The following USP28 variants were observed in gnomAD, a reference collection of about 807,000 sequenced individuals.
USP28 encodes the protein ubiquitin carboxyl-terminal hydrolase 28.
USP28 carries 113 observed loss-of-function variants against 145.0 expected under a neutral mutation model. The observed-to-expected ratio is 0.78, with a 90% CI of 0.67 to 0.91. The LOEUF (loss-of-function observed/expected upper bound fraction) is 0.91, where lower values mean the gene tolerates loss of function less well. Ranked by LOEUF, USP28 falls within the 40% of genes least tolerant of loss-of-function variation. The probability of loss-of-function intolerance (pLI) is 0.00; values close to 1 mark genes in which losing one functional copy is unlikely to be tolerated. For missense variants in USP28, 1,201 were observed against 1,289.6 expected (o/e 0.93, Z 1.05); for synonymous variants, 447 against 450.9 (o/e 0.99, Z 0.11).
At chr11:113,844,494 T>C (rs1432114837) in intron 3 of USP28, among the ~76,000 whole-genome samples, 2 of 151,800 alleles carry the variant, frequency 1.3e-5, no homozygotes, top group Non-Finnish European at 2.9e-5. Flanking sequence ...GAGAAAATAT[T>C]TGCAAAACAT....
chr11:113,869,634 T>C (rs1177867554), intron 1 of USP28, among the ~76,000 whole-genome samples: 1 of 152,006 alleles, frequency 6.6e-6, no homozygotes, highest in Non-Finnish European at 1.5e-5. Flanking sequence ...AGTAATAGGG[T>C]AATAGTTCAC....
intron 17 of USP28, 23 bp from the exon 18 acceptor site, chr11:113,808,460 TCTTAG>T: frequency 6.2e-7 from 1 of 1,612,246 alleles, no homozygotes; most frequent in Non-Finnish European, 8.5e-7. Context: ...TGAACAAAGG[TCTTAG>T]CATCTAATGA....
At chr11:113,814,729 A>C (rs902728188) in intron 14 of USP28, among the ~76,000 whole-genome samples, 21 of 152,052 alleles carry the variant, frequency 1.4e-4, no homozygotes, top group Admixed American at 1.3e-4. Flanking sequence ...AAAAGTGCAA[A>C]AGAAGTCACA....
chr11:113,862,606 A>T (rs56301420), intron 1 of USP28, among the ~76,000 whole-genome samples: 1 of 152,250 alleles, frequency 6.6e-6, no homozygotes, highest in Non-Finnish European at 1.5e-5. Flanking sequence ...CTGTGACGAG[A>T]GAGGCAGGAT....
intron 3 of USP28, among the ~76,000 whole-genome samples, chr11:113,842,434 A>G (rs971055509): frequency 6.6e-6 from 1 of 151,888 alleles, no homozygotes; most frequent in African/African-American, 2.4e-5. Context: ...AAATACAAAA[A>G]ATTTGCCGGG....
intron 12 of USP28, chr11:113,818,238 G>C (rs1470537060): frequency 6.5e-6 from 1 of 154,246 alleles, no homozygotes; most frequent in Non-Finnish European, 1.4e-5. Context: ...TGCAAGCTCC[G>C]CCTCCTGGGT....
intron 3 of USP28, among the ~76,000 whole-genome samples, chr11:113,843,603 G>A (rs1030457429): frequency 1.3e-5 from 2 of 150,370 alleles, no homozygotes; most frequent in African/African-American, 4.9e-5. Context: ...CCCAGGAGGC[G>A]GAGGCTATGG....
At chr11:113,817,864 A>G in intron 12 of USP28, 27 bp from the exon 13 acceptor site, 1 of 1,610,096 alleles carries the variant, frequency 6.2e-7, no homozygotes, top group Non-Finnish European at 8.5e-7. Flanking sequence ...GTGGTACTCT[A>G]CTGCCCAAGG....
At chr11:113,830,312 A>T (rs1943843327) in intron 9 of USP28, among the ~76,000 whole-genome samples, 1 of 152,192 alleles carries the variant, frequency 6.6e-6, no homozygotes, top group South Asian at 2.1e-4. Flanking sequence ...GTTATGTTTT[A>T]AAAAGAGTAT....
chr11:113,822,038 A>G (rs907637408), intron 12 of USP28, among the ~76,000 whole-genome samples: 7 of 152,162 alleles, frequency 4.6e-5, no homozygotes, highest in Admixed American at 2.0e-4. Flanking sequence ...CCTATACTCT[A>G]TTTTAAAATA....
At chr11:113,798,656 GGA>G (rs1381052012) in exon 25 of USP28, 8 of 152,630 alleles carry the variant, frequency 5.2e-5, no homozygotes, top group African/African-American at 1.9e-4. Context: ...AGAAAAGAAA[GGA>G]GAGAGACAGG....
chr11:113,805,453 G>A (rs1302326776), intron 19 of USP28, among the ~76,000 whole-genome samples: 2 of 151,696 alleles, frequency 1.3e-5, no homozygotes, highest in East Asian at 1.9e-4. Flanking sequence ...ATTGGGTTTC[G>A]CCATGTTGCC....
intron 18 of USP28, among the ~76,000 whole-genome samples, chr11:113,807,408 A>G (rs1194749630): frequency 6.6e-6 from 1 of 151,540 alleles, no homozygotes; most frequent in Non-Finnish European, 1.5e-5. Flanking sequence ...TACCCCACAG[A>G]AAAAAAACAG....
chr11:113,831,791 C>CAG (rs1944010268), intron 8 of USP28, 129 bp downstream of exon 8: 1 of 752,456 alleles, frequency 1.3e-6, no homozygotes, highest in East Asian at 2.8e-5. Flanking sequence ...AGGACTACCT[C>CAG]AGTGGTTATC....
intron 3 of USP28, among the ~76,000 whole-genome samples, chr11:113,849,046 T>A (rs1299528278): frequency 6.6e-6 from 1 of 152,228 alleles, no homozygotes; most frequent in Non-Finnish European, 1.5e-5. Context: ...CCTGAAATAC[T>A]CATGCTGTCT....
chr11:113,827,873 C>T (rs150716543), intron 10 of USP28, among the ~76,000 whole-genome samples: 1,788 of 152,222 alleles, frequency 0.012, 118 homozygotes, highest in Admixed American at 0.1. Flanking sequence ...TTTATATATA[C>T]AAAGGAAATT....
intron 18 of USP28, 76 bp from the exon 20 acceptor site, chr11:113,806,660 T>A: frequency 1.9e-6 from 2 of 1,071,704 alleles, no homozygotes; most frequent in Non-Finnish European, 2.7e-6. Flanking sequence ...GAAAGCAGGC[T>A]GAACAGAGTG....
chr11:113,868,190 T>G (rs988512718), intron 1 of USP28, among the ~76,000 whole-genome samples: 5 of 152,164 alleles, frequency 3.3e-5, no homozygotes, highest in African/African-American at 1.2e-4. Context: ...TCAAAGGAAG[T>G]ACTGCAAATA....
At chr11:113,828,545 T>C (rs1014677280) in intron 10 of USP28, among the ~76,000 whole-genome samples, 3 of 152,160 alleles carry the variant, frequency 2.0e-5, no homozygotes, top group African/African-American at 7.2e-5. Flanking sequence ...AATTACTGAG[T>C]TGGAATCATA....
Sources: allele counts gnomAD v4.1 joint callset (sites outside exome capture counted in the v4.1 genomes callset), GRCh38; gene constraint gnomAD v4.1.1; transcripts MANE v1.5; gene names NCBI Gene and HGNC (gene_info 2026-07-23, HGNC 2026-07-21).